The following SEMA6C variants were observed in gnomAD, a reference collection of about 807,000 sequenced individuals.
SEMA6C encodes semaphorin-6C.
Under a neutral mutation model 72.9 loss-of-function variants are expected in SEMA6C, and 37 were observed. The observed-to-expected ratio is 0.51, with a 90% CI of 0.39 to 0.67. The LOEUF is 0.67. Among genes scored for constraint, SEMA6C ranks in the 30% least tolerant of loss-of-function variants. The probability of loss-of-function intolerance (pLI) is 0.00; values close to 1 mark genes in which losing one functional copy is unlikely to be tolerated. For missense variants in SEMA6C, 1,189 were observed against 1,263.6 expected (o/e 0.94, Z 0.89); for synonymous variants, 578 against 554.1 (o/e 1.04, Z -0.61).
rs747009994 is a variant in SEMA6C, at chr1:151,132,470, G to A, written c.*14C>T. 3 of 1,545,676 alleles carry A rather than the reference G, an allele frequency of 1.9e-6. No homozygotes were observed. Among genetic ancestry groups the A allele is most frequent in the Non-Finnish European group, 1.7e-6 (2 of 1,144,340 alleles). On this transcript the variant is annotated 3_prime_UTR_variant, in exon 19 of 19. Coordinates refer to ENST00000368914, the MANE Select transcript of SEMA6C (RefSeq NM_030913.6). ...TCGGGCGCTCCCCACGCTGGAGGCC[G>A]TGGGCCGCTCCCTTTAAAAGTTGAA... is the stretch of plus-strand genomic sequence containing the variant.
chr1:151,136,901 A>G lies in SEMA6C; in HGVS notation c.930T>C (p.His310=). The change falls in exon 11 of 19, where the codon CAT becomes CAC. Residue 310 remains histidine, a synonymous_variant. Transcript: ENST00000368914. ...AGACCCCAAAGAGAGCAGAGCGGCC[A>G]TGCAGGTTCACAGGCCCAGTCAAGG... The part of the protein sequence containing the change: ...LQALTGPVNL[H]GRSALFGVFT... 6.2e-7 allele frequency: 1 copy of G among 1,614,120 alleles called. No individual in the cohort carries two copies. Among genetic ancestry groups the G allele is most frequent in the Non-Finnish European group, 8.5e-7 (1 of 1,180,038 alleles).
At chr1:151,140,471 C>G (rs913166773) in intron 3 of SEMA6C, among the ~76,000 whole-genome samples, 2 of 152,202 alleles carry the variant, frequency 1.3e-5, no homozygotes, top group Non-Finnish European at 2.9e-5. Flanking sequence ...CTAGCAATTT[C>G]CTTTCACTCC....
At position 151,132,800 on chromosome 1, in the gene SEMA6C, C is replaced by T; in HGVS notation, c.2477G>A (p.Gly826Asp). Residue 826 changes from glycine to aspartate, a missense_variant, in exon 19 of 19, where the codon GGC becomes GAC. By Grantham distance (94) the Gly-to-Asp change is moderately conservative. This residue lies in a region of SEMA6C where 721 missense variants were observed against 686.2 expected (regional missense o/e 1.05). Transcript: ENST00000368914. ...SPLRLDVPPE[G>D]RCASAPARPA... ...CCGGGCGGGGGCAGAGGCGCACCTG[C>T]CCTCGGGGGGCACGTCCAGCCTCAG... is the stretch of plus-strand genomic sequence containing the variant. 7.5e-7 allele frequency: 1 copy of T among 1,339,738 alleles called. No homozygotes were observed. Among genetic ancestry groups the T allele is most frequent in the Non-Finnish European group, 9.6e-7 (1 of 1,043,410 alleles). The allele number at this position is 1,339,738 out of a possible 1,614,324, so 83.0% of individuals were successfully genotyped here. A position where few individuals can be genotyped will look rare whatever the true frequency, so the allele number is the denominator to read the frequency against.
chr1:151,136,509 C>A lies in SEMA6C; in HGVS notation c.1045G>T (p.Glu349Ter). 1.9e-6 allele frequency: 3 copies of A among 1,614,122 alleles called. No individual in the cohort carries two copies. Among genetic ancestry groups the A allele is most frequent in the Non-Finnish European group, 2.5e-6 (3 of 1,180,024 alleles). ...IERGFEGKFK[E>*]QRSLDGAWTP... ...CAGGCCCCATCCAGACTCCTCTGCT[C>A]CTTGAACTTGCCCTCAAACCCACGC... is the stretch of plus-strand genomic sequence containing the variant. The change falls in exon 12 of 19, where the codon GAG (glutamate) becomes TAG (stop). Residue 349 changes from glutamate to a stop codon, truncating the protein, a stop_gained. Transcript: ENST00000368914. LOFTEE classifies it high-confidence loss of function.
At position 151,136,139 on chromosome 1, in the gene SEMA6C, CCCTACT is replaced by C. The variant is rs914777899; in HGVS notation, c.1125_1130del (p.Val376_Gly377del). On this transcript the variant is annotated inframe_deletion, in exon 13 of 19. Coordinates refer to ENST00000368914, the MANE Select transcript of SEMA6C (RefSeq NM_030913.6). Reference sequence around the variant, plus strand: ...GGGAAGAGGAGAACAAGGCAGCTCCCCCTACTCCTGCACAGGATCCTGGCCTGGTGG... The same window carrying C: ...GGGAAGAGGAGAACAAGGCAGCTCCCCCTGCACAGGATCCTGGCCTGGTGG... The C allele has an allele frequency of 1.9e-6, 3 of 1,613,922 alleles. No individual in the cohort carries two copies. The Admixed American group carries it at 5.0e-5, about 27-fold the overall frequency.
intron 14 of SEMA6C, 95 bp downstream of exon 14, chr1:151,135,496 C>T: frequency 6.7e-7 from 1 of 1,494,216 alleles, no homozygotes; most frequent in Non-Finnish European, 9.1e-7. Flanking sequence ...CCTGCAAAAG[C>T]CAATGTTGAT....
At chr1:151,142,281 T>A (rs1314546372) in intron 3 of SEMA6C, among the ~76,000 whole-genome samples, 1 of 152,076 alleles carries the variant, frequency 6.6e-6, no homozygotes, top group Non-Finnish European at 1.5e-5. Flanking sequence ...GAGCCCATGC[T>A]CTTAACCTCC....
At chr1:151,135,368 G>C in intron 14 of SEMA6C, 59 bp from the exon 15 acceptor site, 1 of 1,573,810 alleles carries the variant, frequency 6.4e-7, no homozygotes, top group Non-Finnish European at 8.6e-7. Context: ...TTCCCTGAGT[G>C]AGTGGAAGAA....
chr1:151,135,407 G>A, intron 14 of SEMA6C, 98 bp from the exon 15 acceptor site: 3 of 1,514,386 alleles, frequency 2.0e-6, no homozygotes, highest in Non-Finnish European at 2.7e-6. Context: ...ACAAGCAACT[G>A]AGCACAACCC....
At position 151,136,532 on chromosome 1, in the gene SEMA6C, C is replaced by A; in HGVS notation, c.1022G>T (p.Arg341Leu). 2 of 1,614,112 alleles carry A rather than the reference C, an allele frequency of 1.2e-6. No homozygotes were observed. The highest frequency in any genetic ancestry group is 1.7e-6 in the Non-Finnish European group (2 of 1,180,016). ...VCAFYLDEIE[R>L]GFEGKFKEQR... ...CTCCTTGAACTTGCCCTCAAACCCA[C>A]GCTCAATCTCATCCAGGTAGAAGGC... Residue 341 changes from arginine (R) to leucine (L), a missense_variant, in exon 12 of 19, where the codon CGT becomes CTT. By Grantham distance (102) the Arg-to-Leu change is moderately radical. Transcript: ENST00000368914.
intron 15 of SEMA6C, 83 bp from the exon 16 acceptor site, chr1:151,134,958 T>C: frequency 3.5e-6 from 5 of 1,419,128 alleles, no homozygotes; most frequent in Non-Finnish European, 5.0e-6. Flanking sequence ...CACCCTGGCT[T>C]ACAGGAGGCT....
intron 3 of SEMA6C, among the ~76,000 whole-genome samples, chr1:151,140,667 A>G (rs1682452523): frequency 1.3e-5 from 2 of 152,330 alleles, no homozygotes; most frequent in South Asian, 2.1e-4. Context: ...TGGTCAAAGG[A>G]TAGCCAGAGT....
At chr1:151,134,136 C>T (rs925618279) in intron 18 of SEMA6C, 6 of 1,078,622 alleles carry the variant, frequency 5.6e-6, no homozygotes, top group Non-Finnish European at 7.9e-6. Context: ...TTCCTCCCTC[C>T]TGTGGAACCC....
chr1:151,134,143 A>AC, intron 18 of SEMA6C: 1 of 992,632 alleles, frequency 1.0e-6, no homozygotes, highest in Non-Finnish European at 1.5e-6. Flanking sequence ...CTCCTGTGGA[A>AC]CCCAGGAGTC....
chr1:151,132,068 T>TAA lies in SEMA6C; in HGVS notation c.*415_*416insTT. ...GTCAGGCAGTGGCTGCAGACACGGC[T>TAA]GTATTGGGAAGCGGAGGCTCCTACA... On this transcript the variant is annotated 3_prime_UTR_variant, in exon 19 of 19. Transcript: ENST00000368914. 5.5e-6 allele frequency: 3 copies of TAA among 541,810 alleles called. No homozygotes were observed. Among genetic ancestry groups the TAA allele is most frequent in the Non-Finnish European group, 8.4e-6 (3 of 358,896 alleles). The allele number at this position is 541,810 out of a possible 1,614,324, so 33.6% of individuals were successfully genotyped here. A position where few individuals can be genotyped will look rare whatever the true frequency, so the allele number is the denominator to read the frequency against.
intron 3 of SEMA6C, 71 bp downstream of exon 3, chr1:151,142,433 G>C: frequency 6.3e-7 from 1 of 1,582,622 alleles, no homozygotes; most frequent in Admixed American, 1.7e-5. Context: ...CCTGCACCTT[G>C]CCTCCCACAC....
chr1:151,135,065 C>T, intron 15 of SEMA6C, 98 bp downstream of exon 15: 6 of 1,532,488 alleles, frequency 3.9e-6, no homozygotes, highest in Non-Finnish European at 4.4e-6. Context: ...CCACAGCCAT[C>T]CCCTGTGTTT....
Position 151,133,929 on chromosome 1 carries a change from C to T in SEMA6C, c.1760-412G>A. 2 of 1,499,470 alleles carry T rather than the reference C, an allele frequency of 1.3e-6. No individual in the cohort carries two copies. The highest frequency in any genetic ancestry group is 1.8e-6 in the Non-Finnish European group (2 of 1,100,600). The allele number at this position is 1,499,470 out of a possible 1,614,324, so 92.9% of individuals were successfully genotyped here. On this transcript the variant is annotated intron_variant, in intron 18 of 18. Transcript: ENST00000368914. The surrounding 1 kb of genome is among the most constrained non-coding windows in gnomAD (Gnocchi z 5.9). The stretch of plus-strand genomic sequence containing the variant: ...TCCGAGAATCAGCAGCCCCACACTT[C>T]ACTCCTATCTCTCCCAAGTAGCCCC...
In SEMA6C at chr1:151,138,675, A is replaced by G. The variant is rs986260033; in HGVS notation, c.411T>C (p.Leu137=). ...GGCTGAATGAGTTCGTTCCACAGGC[A>G]AGGAGCGTCTGGGAGTCCCAGGGAA... The part of the protein sequence containing the change: ...VLVPWDSQTL[L]ACGTNSFSPV... Residue 137 remains leucine (L), a synonymous_variant, in exon 7 of 19, where the codon CTT becomes CTC. Transcript: ENST00000368914. The G allele has an allele frequency of 6.2e-7, 1 of 1,614,216 alleles. No individual in the cohort carries two copies.
Sources: allele counts gnomAD v4.1 joint callset (sites outside exome capture counted in the v4.1 genomes callset), GRCh38; gene constraint gnomAD v4.1.1; regional missense constraint gnomAD v4.1.1; non-coding constraint Gnocchi (gnomAD v3.1); transcripts MANE v1.5; gene names NCBI Gene and HGNC (gene_info 2026-07-23, HGNC 2026-07-21).